KYNU: variants seen among roughly 807,000 people sequenced by gnomAD.
KYNU encodes the protein L-kynurenine hydrolase.
A neutral mutation model predicts 59.2 loss-of-function variants in KYNU; 54 were observed. The ratio of observed to expected loss-of-function variants is 0.91; its 90% CI spans 0.73 to 1.14. KYNU has a LOEUF of 1.14. Ranked by LOEUF, KYNU falls within the 50% of genes most tolerant of loss-of-function variation. The pLI, the probability that KYNU is intolerant of heterozygous loss-of-function variation, is 0.00. For synonymous variants in KYNU, 177 were observed against 192.0 expected (o/e 0.92, Z 0.65); for missense variants, 567 against 554.4 (o/e 1.02, Z -0.23).
chr2:142,896,318 T>C (rs1159540949), intron 2 of KYNU, among the ~76,000 whole-genome samples: 1 of 152,178 alleles, frequency 6.6e-6, no homozygotes, highest in Non-Finnish European at 1.5e-5. Flanking sequence ...TTTTTTGTTG[T>C]TTTGTTTTTT....
At chr2:142,920,451 C>T (rs1682839505) in intron 3 of KYNU, among the ~76,000 whole-genome samples, 1 of 152,188 alleles carries the variant, frequency 6.6e-6, no homozygotes, top group African/African-American at 2.4e-5. Flanking sequence ...TTTTTATCCC[C>T]TAAGCATTTA....
intron 4 of KYNU, chr2:142,947,878 G>A (rs1382665634): frequency 1.3e-5 from 2 of 152,162 alleles, no homozygotes; most frequent in East Asian, 3.9e-4. Context: ...AAAAAAGCAG[G>A]GTTCAGTTTG....
In KYNU at chr2:142,988,006, ATG is replaced by A. The variant is rs1685270572; in HGVS notation, c.902+1986_902+1987del. Reference sequence around the variant, plus strand: ...TAAGTTTCCTGAGGCCTTCCCAGTCATGCTTCCTGCACAGCCTGCAAAACCAT... The same window carrying A: ...TAAGTTTCCTGAGGCCTTCCCAGTCACTTCCTGCACAGCCTGCAAAACCAT... On this transcript the variant is annotated intron_variant, in intron 10 of 13. Transcript: ENST00000264170. Among the ~76,000 whole-genome samples the A allele has an allele frequency of 5.3e-5, 8 of 151,988 alleles. No homozygotes were observed. The South Asian group carries it at 1.7e-3, about 32-fold the overall frequency.
At chr2:142,961,236 CTG>C (rs1175943054) in intron 8 of KYNU, among the ~76,000 whole-genome samples, 1 of 140,074 alleles carries the variant, frequency 7.1e-6, no homozygotes, top group African/African-American at 2.6e-5. Flanking sequence ...AAAAGAAAAT[CTG>C]TAATCTTTTT....
At chr2:142,946,987 C>T (rs1450332389) in intron 4 of KYNU, 9 of 1,485,440 alleles carry the variant, frequency 6.1e-6, no homozygotes. Flanking sequence ...AAATAGCCAA[C>T]TTGAGACAAG....
chr2:143,045,745 C>T lies in KYNU; in HGVS notation c.*3573C>T, dbSNP rs556626230. Reference sequence around the variant, plus strand: ...AAACTCCTGGGCTCAAATGATCCTCCTACCTTAACCTCCTGAGTAGCTGAG... The same window carrying T: ...AAACTCCTGGGCTCAAATGATCCTCTTACCTTAACCTCCTGAGTAGCTGAG... On this transcript the variant is annotated 3_prime_UTR_variant, in exon 14 of 14. Coordinates refer to ENST00000264170, the MANE Select transcript of KYNU (RefSeq NM_003937.3). 1 of 152,204 alleles carries T rather than the reference C, an allele frequency of 6.6e-6. No individual in the cohort carries two copies. The highest frequency in any genetic ancestry group is 2.4e-5 in the African/African-American group (1 of 41,538). 9.4% of individuals were successfully genotyped at this position (152,204 alleles called of 1,614,324 possible).
At chr2:142,890,395 C>T (rs1157937872) in intron 2 of KYNU, among the ~76,000 whole-genome samples, 1 of 152,104 alleles carries the variant, frequency 6.6e-6, no homozygotes, top group Non-Finnish European at 1.5e-5. Context: ...AAACTGCCAT[C>T]CCAGAAACAA....
chr2:142,997,811 T>A (rs181935946), intron 10 of KYNU, among the ~76,000 whole-genome samples: 1 of 152,208 alleles, frequency 6.6e-6, no homozygotes, highest in Non-Finnish European at 1.5e-5. Context: ...AATGACATAT[T>A]TAGGAATTCA....
intron 4 of KYNU, among the ~76,000 whole-genome samples, chr2:142,950,193 A>G (rs539910289): frequency 6.6e-4 from 100 of 152,294 alleles, no homozygotes; most frequent in South Asian, 3.5e-3. Flanking sequence ...GGAAGTTCCA[A>G]ACTTTCCCAC....
At chr2:142,886,946 G>A (rs979377143) in intron 2 of KYNU, among the ~76,000 whole-genome samples, 1 of 152,134 alleles carries the variant, frequency 6.6e-6, no homozygotes, top group African/African-American at 2.4e-5. Context: ...CGAGGCGGGC[G>A]GGTCACGAGG....
intron 7 of KYNU, among the ~76,000 whole-genome samples, chr2:142,959,774 A>G (rs1287377760): frequency 6.6e-6 from 1 of 152,086 alleles, no homozygotes; most frequent in Non-Finnish European, 1.5e-5. Flanking sequence ...ACCCTCTATT[A>G]TAGTCAGTTT....
intron 10 of KYNU, among the ~76,000 whole-genome samples, chr2:143,015,984 CAT>C (rs1189895242): frequency 6.6e-6 from 1 of 152,188 alleles, no homozygotes; most frequent in Non-Finnish European, 1.5e-5. Flanking sequence ...ACACCTGAAA[CAT>C]ATTCTTATCT....
chr2:142,918,522 T>G lies in KYNU; in HGVS notation c.170-87T>G, dbSNP rs1682751057. 1.4e-5 allele frequency: 18 copies of G among 1,332,112 alleles called. 1 individual carries two copies. The Admixed American group carries it at 4.4e-4, about 32-fold the overall frequency. The allele number at this position is 1,332,112 out of a possible 1,614,324, so 82.5% of individuals were successfully genotyped here. A position where few individuals can be genotyped will look rare whatever the true frequency, so the allele number is the denominator to read the frequency against. Reference sequence around the variant, plus strand: ...ACTTTTTATCCTTCTTAGAGTTGATTGTATTAATTATTTGTACTGGCTTAA... The same window carrying G: ...ACTTTTTATCCTTCTTAGAGTTGATGGTATTAATTATTTGTACTGGCTTAA... On this transcript the variant is annotated intron_variant, in intron 2 of 13. Transcript: ENST00000264170.
chr2:142,976,691 G>A (rs1451723788), intron 8 of KYNU, among the ~76,000 whole-genome samples: 1 of 152,142 alleles, frequency 6.6e-6, no homozygotes, highest in Non-Finnish European at 1.5e-5. Flanking sequence ...AGTCAATTTA[G>A]AAAGTTTATC....
chr2:142,892,377 G>T (rs763486320), intron 2 of KYNU, among the ~76,000 whole-genome samples: 1 of 152,192 alleles, frequency 6.6e-6, no homozygotes, highest in African/African-American at 2.4e-5. Context: ...GTGGAGTGAC[G>T]TCCAATCATG....
chr2:142,981,308 C>T (rs2105149182), intron 8 of KYNU, among the ~76,000 whole-genome samples: 1 of 152,104 alleles, frequency 6.6e-6, no homozygotes, highest in Middle Eastern at 3.4e-3. Flanking sequence ...GTTGTAAAAA[C>T]AAATCTGTGA....
At chr2:142,934,076 G>A (rs555342131) in intron 4 of KYNU, among the ~76,000 whole-genome samples, 31 of 152,326 alleles carry the variant, frequency 2.0e-4, no homozygotes, top group African/African-American at 7.5e-4. Context: ...TGGATTAAGC[G>A]ATAAGTTTCA....
intron 1 of KYNU, 63 bp from the exon 2 acceptor site, chr2:142,885,286 A>G (rs1050037471): frequency 2.9e-6 from 4 of 1,369,520 alleles, no homozygotes; most frequent in African/African-American, 2.9e-5. Context: ...TGTATTACCT[A>G]AAGGGCTCAT....
At chr2:142,928,111 C>A (rs1683101271) in intron 4 of KYNU, among the ~76,000 whole-genome samples, 2 of 152,058 alleles carry the variant, frequency 1.3e-5, no homozygotes, top group African/African-American at 2.4e-5. Flanking sequence ...AACATTTTCA[C>A]ATGCTAAAGG....
Sources: allele counts gnomAD v4.1 joint callset (sites outside exome capture counted in the v4.1 genomes callset), GRCh38; gene constraint gnomAD v4.1.1; transcripts MANE v1.5; gene names NCBI Gene and HGNC (gene_info 2026-07-23, HGNC 2026-07-21).